CELF2: variants seen among roughly 807,000 people sequenced by gnomAD.
CELF2 encodes the protein CUG triplet repeat RNA-binding protein 2.
CELF2 carries 8 observed loss-of-function variants against 62.6 expected under a neutral mutation model. That is an observed-to-expected ratio of 0.13 (90% CI 0.07 to 0.23). The LOEUF (loss-of-function observed/expected upper bound fraction) is 0.23, where lower values mean the gene tolerates loss of function less well. Ranked by LOEUF, CELF2 falls within the 10% of genes least tolerant of loss-of-function variation. The pLI is 1.00. For synonymous variants in CELF2, 258 were observed against 250.0 expected, an observed-to-expected ratio of 1.03 and a Z score of -0.30; for missense variants, 333 against 671.0, an observed-to-expected ratio of 0.50 and a Z score of 5.56.
chr10:10,550,342 C>T, the CELF2 span, among the ~76,000 whole-genome samples: 17 of 152,138 alleles, frequency 1.1e-4, no homozygotes, highest in African/African-American at 4.1e-4. Context: ...GGTTGGCCTG[C>T]TGCCTCTGGG....
intron 1 of CELF2, among the ~76,000 whole-genome samples, chr10:10,824,958 G>T (rs2057266357): frequency 6.6e-6 from 1 of 152,140 alleles, no homozygotes; most frequent in Non-Finnish European, 1.5e-5. Flanking sequence ...CTTTGTGTTT[G>T]TCATTGTTTG....
At chr10:11,052,170 A>T (rs539105414) in intron 1 of CELF2, among the ~76,000 whole-genome samples, 35 of 152,140 alleles carry the variant, frequency 2.3e-4, no homozygotes, top group Admixed American at 5.9e-4. Context: ...TCCTGGGCTC[A>T]AGCAATCTGC....
At chr10:10,697,814 G>T in the CELF2 span, among the ~76,000 whole-genome samples, 1 of 152,142 alleles carries the variant, frequency 6.6e-6, no homozygotes, top group Non-Finnish European at 1.5e-5. Context: ...CTGAGACAGG[G>T]TCTTGCTCTG....
chr10:11,033,850 T>C (rs1047350015), intron 1 of CELF2, among the ~76,000 whole-genome samples: 1 of 152,218 alleles, frequency 6.6e-6, no homozygotes, highest in Non-Finnish European at 1.5e-5. Flanking sequence ...CTGAGGAGTT[T>C]AGGACTTACG....
chr10:11,265,522 T>C (rs1297144111), intron 5 of CELF2, among the ~76,000 whole-genome samples: 1 of 152,270 alleles, frequency 6.6e-6, no homozygotes, highest in East Asian at 1.9e-4. Flanking sequence ...AACCTTTTAG[T>C]GTGCTGTGGT....
At position 11,260,645 on chromosome 10, in the gene CELF2, A is replaced by C; in HGVS notation, c.538+2773A>C. Among the ~76,000 whole-genome samples the C allele has an allele frequency of 6.7e-6, 1 of 149,152 alleles. No homozygotes were observed. Among genetic ancestry groups the C allele is most frequent in the Admixed American group, 6.7e-5 (1 of 14,992 alleles). ...AAGAGGAGAAAACTTTTCCCTCCCC[A>C]TCTGTTTTTTTTTTTTTTAAACAGC... On this transcript the variant is annotated intron_variant, in intron 5 of 12. Coordinates refer to ENST00000633077, the MANE Select transcript of CELF2 (RefSeq NM_001326342.2). This position sits in a 1 kb window ranked among gnomAD's most constrained non-coding sequence, Gnocchi z 4.2.
intron 2 of CELF2, among the ~76,000 whole-genome samples, chr10:10,996,529 A>G (rs974415420): frequency 6.6e-6 from 1 of 152,196 alleles, no homozygotes; most frequent in Non-Finnish European, 1.5e-5. Context: ...AACTTTCTGC[A>G]TGTTCCTGCC....
chr10:11,072,524 C>A (rs994296543), intron 1 of CELF2, among the ~76,000 whole-genome samples: 2 of 152,200 alleles, frequency 1.3e-5, no homozygotes, highest in Admixed American at 6.5e-5. Context: ...CCACGGTAGC[C>A]ACACCCCGTT....
the CELF2 span, among the ~76,000 whole-genome samples, chr10:10,764,340 C>T: frequency 1.3e-5 from 2 of 152,182 alleles, no homozygotes; most frequent in Admixed American, 6.5e-5. Context: ...GGGAACATGG[C>T]GCCGATCTCA....
At chr10:10,699,051 C>T in the CELF2 span, among the ~76,000 whole-genome samples, 1 of 151,664 alleles carries the variant, frequency 6.6e-6, no homozygotes, top group South Asian at 2.1e-4. Flanking sequence ...TGTATGTTAT[C>T]TACGTATATT....
chr10:11,191,575 G>A lies in CELF2; in HGVS notation c.272-25850G>A, dbSNP rs1032622138. 2.3e-4 allele frequency among the ~76,000 whole-genome samples: 35 copies of A among 152,258 alleles called. No homozygotes were observed. The highest frequency in any genetic ancestry group is 2.2e-3 in the Admixed American group (33 of 15,308). ...CCACCTTGAAATCTGAAGTCACTGA[G>A]TAGCAGGGGAGGTTGGAGCCTGGGG... On this transcript the variant is annotated intron_variant, in intron 2 of 12. Coordinates refer to ENST00000633077, the MANE Select transcript of CELF2 (RefSeq NM_001326342.2). The surrounding 1 kb of genome is among the most constrained non-coding windows in gnomAD (Gnocchi z 4.1).
intron 1 of CELF2, among the ~76,000 whole-genome samples, chr10:11,160,645 CAAAAAAAA>C (rs35755036): frequency 2.1e-5 from 2 of 96,898 alleles, no homozygotes; most frequent in East Asian, 2.7e-4. Context: ...TCCCAAGGAT[CAAAAAAAA>C]AAAAAAAAAA....
At chr10:10,568,567 T>C in the CELF2 span, among the ~76,000 whole-genome samples, 1 of 152,148 alleles carries the variant, frequency 6.6e-6, no homozygotes. Flanking sequence ...CAAGATATAA[T>C]GGAATCTGGT....
At chr10:11,199,823 G>A (rs2058812692) in intron 2 of CELF2, among the ~76,000 whole-genome samples, 1 of 152,198 alleles carries the variant, frequency 6.6e-6, no homozygotes, top group Non-Finnish European at 1.5e-5. Flanking sequence ...ACAGGGATGT[G>A]ATGAAGACTA....
At chr10:11,172,994 G>A (rs1198741576) in intron 2 of CELF2, among the ~76,000 whole-genome samples, 6 of 152,212 alleles carry the variant, frequency 3.9e-5, no homozygotes, top group Non-Finnish European at 8.8e-5. Flanking sequence ...AGCACGTATT[G>A]CAGGTAGATT....
At position 11,119,864 on chromosome 10, in the gene CELF2, T is replaced by TCC. The variant is rs57433204; in HGVS notation, c.75-45613_75-45612dup. 6.9e-3 allele frequency among the ~76,000 whole-genome samples: 775 copies of TCC among 112,042 alleles called. 7 individuals are homozygous for TCC. Among genetic ancestry groups the TCC allele is most frequent in the African/African-American group, 0.016 (479 of 29,834 alleles). 73.5% of individuals were successfully genotyped at this position (112,042 alleles called of 152,430 possible). ...ATTTGCCTGGCTGCTTGATTCCGCC[T>TCC]CCCCCCCCCCGGCCCCCGCTTTTTT... On this transcript the variant is annotated intron_variant, in intron 1 of 12. Transcript: ENST00000633077.
chr10:10,986,776 C>A (rs942476613), intron 2 of CELF2, among the ~76,000 whole-genome samples: 1 of 152,176 alleles, frequency 6.6e-6, no homozygotes, highest in Non-Finnish European at 1.5e-5. Context: ...TGCAATGTGG[C>A]CAGGCTCACA....
chr10:10,795,249 T>A (rs547750564), upstream of CELF2, among the ~76,000 whole-genome samples: 1 of 152,136 alleles, frequency 6.6e-6, no homozygotes, highest in Non-Finnish European at 1.5e-5. Flanking sequence ...CTTTTTTTTT[T>A]TTTTTTTTAA....
chr10:11,080,596 A>G (rs2073737442), intron 1 of CELF2, among the ~76,000 whole-genome samples: 2 of 152,240 alleles, frequency 1.3e-5, no homozygotes, highest in Admixed American at 1.3e-4. Flanking sequence ...TGCATTAACC[A>G]TTACCTTCCT....
Sources: gnomAD v4.1 joint callset for allele counts (sites outside exome capture counted in the v4.1 genomes callset) on GRCh38, gnomAD v4.1.1 for gene constraint, Gnocchi (gnomAD v3.1) non-coding constraint, MANE v1.5 for transcripts, NCBI Gene and HGNC (gene_info 2026-07-23, HGNC 2026-07-21) for gene names.